The following PIEZO2 variants were observed in gnomAD, a reference collection of about 807,000 sequenced individuals.
PIEZO2 encodes piezo-type mechanosensitive ion channel component 2.
Under a neutral mutation model 337.3 loss-of-function variants are expected in PIEZO2, and 172 were observed. That is an observed-to-expected ratio of 0.51 (90% CI 0.45 to 0.58). The LOEUF (loss-of-function observed/expected upper bound fraction) is 0.58, where lower values mean the gene tolerates loss of function less well. Ranked by LOEUF, PIEZO2 falls within the 20% of genes least tolerant of loss-of-function variation. PIEZO2 has a pLI of 0.00. For synonymous variants in PIEZO2, 1,251 were observed against 1,228.5 expected, an observed-to-expected ratio of 1.02 and a Z score of -0.38; for missense variants, 3,028 against 3,391.3, an observed-to-expected ratio of 0.89 and a Z score of 2.66.
chr18:10,729,194 T>C (rs2036665850), intron 36 of PIEZO2, among the ~76,000 whole-genome samples: 1 of 152,184 alleles, frequency 6.6e-6, no homozygotes, highest in Non-Finnish European at 1.5e-5. Context: ...ATAAAGTTAC[T>C]AGGATGTATC....
At position 10,854,829 on chromosome 18, in the gene PIEZO2, T is replaced by G. The variant is rs1436526983; in HGVS notation, c.917+524A>C. On this transcript the variant is annotated intron_variant, in intron 7 of 55. Coordinates refer to ENST00000674853, the MANE Select transcript of PIEZO2 (RefSeq NM_001378183.1). This position sits in a 1 kb window ranked among gnomAD's most constrained non-coding sequence, Gnocchi z 4.6. Reference sequence around the variant, plus strand: ...CCCAGGCTCAGGTGACGCTCCCACTTCAGCCTCCTGAGTAGCTGGGACCAC... The same window carrying G: ...CCCAGGCTCAGGTGACGCTCCCACTGCAGCCTCCTGAGTAGCTGGGACCAC... 6.6e-6 allele frequency among the ~76,000 whole-genome samples: 1 copy of G among 152,214 alleles called. No homozygotes were observed. The highest frequency in any genetic ancestry group is 1.5e-5 in the Non-Finnish European group (1 of 68,040).
rs1050502778 is a variant in PIEZO2 at position 10,783,782 on chromosome 18, G to T, written c.2492+1002C>A. On this transcript the variant is annotated intron_variant, in intron 17 of 55. Transcript: ENST00000674853. The surrounding 1 kb of genome is among the most constrained non-coding windows in gnomAD (Gnocchi z 4.3). ...CACAATAAGAAAAGTGAATCTGCTG[G>T]TCATAAACAAGGATTATAAAATGTT... Among the ~76,000 whole-genome samples, 4 of 152,150 alleles carry T rather than the reference G, an allele frequency of 2.6e-5. No homozygotes were observed. Among genetic ancestry groups the T allele is most frequent in the African/African-American group, 9.7e-5 (4 of 41,442 alleles).
Position 11,092,406 on chromosome 18 carries a change from G to A in PIEZO2, c.65-26184C>T, listed in dbSNP as rs1042629864. 6.6e-6 allele frequency among the ~76,000 whole-genome samples: 1 copy of A among 152,118 alleles called. No individual in the cohort carries two copies. Among genetic ancestry groups the A allele is most frequent in the Non-Finnish European group, 1.5e-5 (1 of 68,030 alleles). On this transcript the variant is annotated intron_variant, in intron 1 of 55. Transcript: ENST00000674853. The surrounding 1 kb of genome is among the most constrained non-coding windows in gnomAD (Gnocchi z 4.5). Reference sequence around the variant, plus strand: ...TCAATTTTATTAAGATATGTGAAATGATATCTCATATTTGTTTGAAAAAAG... The same window carrying A: ...TCAATTTTATTAAGATATGTGAAATAATATCTCATATTTGTTTGAAAAAAG...
At chr18:11,121,432 G>C (rs1003242767) in intron 1 of PIEZO2, among the ~76,000 whole-genome samples, 1 of 152,116 alleles carries the variant, frequency 6.6e-6, no homozygotes, top group African/African-American at 2.4e-5. Context: ...TGGATGTGGT[G>C]GTGCCCAACT....
intron 2 of PIEZO2, among the ~76,000 whole-genome samples, chr18:11,063,448 G>A (rs1337658281): frequency 6.6e-6 from 1 of 151,606 alleles, no homozygotes; most frequent in Non-Finnish European, 1.5e-5. Context: ...AAAAAAGACT[G>A]CCCCAAGAAT....
intron 33 of PIEZO2, among the ~76,000 whole-genome samples, chr18:10,737,112 G>A (rs141343283): frequency 3.4e-4 from 51 of 152,112 alleles, no homozygotes; most frequent in African/African-American, 1.2e-3. Flanking sequence ...CAAGGCCAAA[G>A]TGAGGTGGAG....
intron 3 of PIEZO2, among the ~76,000 whole-genome samples, chr18:10,970,768 T>A (rs2034206061): frequency 6.6e-6 from 1 of 151,688 alleles, no homozygotes; most frequent in African/African-American, 2.4e-5. Context: ...TTAGAGTACT[T>A]GATCCATGCC....
rs987138733 is a variant in PIEZO2, at chr18:11,097,341, T to A, written c.65-31119A>T. Reference sequence around the variant, plus strand: ...CTTCTAAGTATTTTCTATGGCTGTTTCTGCAGTTCAATGGCAAAGTCTCAC... The same window carrying A: ...CTTCTAAGTATTTTCTATGGCTGTTACTGCAGTTCAATGGCAAAGTCTCAC... On this transcript the variant is annotated intron_variant, in intron 1 of 55. Coordinates refer to ENST00000674853, the MANE Select transcript of PIEZO2 (RefSeq NM_001378183.1). This position sits in a 1 kb window ranked among gnomAD's most constrained non-coding sequence, Gnocchi z 5.0. Among the ~76,000 whole-genome samples the A allele has an allele frequency of 6.6e-6, 1 of 152,256 alleles. No individual in the cohort carries two copies. The highest frequency in any genetic ancestry group is 2.4e-5 in the African/African-American group (1 of 41,468).
At chr18:10,885,109 C>G (rs191440803) in intron 4 of PIEZO2, among the ~76,000 whole-genome samples, 1 of 152,036 alleles carries the variant, frequency 6.6e-6, no homozygotes, top group Non-Finnish European at 1.5e-5. Flanking sequence ...CAACACCACA[C>G]GTGTGTGGCA....
chr18:11,139,304 T>G (rs1215667004), intron 1 of PIEZO2, among the ~76,000 whole-genome samples: 3 of 152,172 alleles, frequency 2.0e-5, no homozygotes, highest in Non-Finnish European at 2.9e-5. Context: ...GGGCTCTTAG[T>G]CAAGATAGTA....
chr18:10,802,578 C>T (rs71364239), intron 9 of PIEZO2, among the ~76,000 whole-genome samples: 4,720 of 152,232 alleles, frequency 0.031, 99 homozygotes, highest in Non-Finnish European at 0.047. Context: ...ACCGGATTTT[C>T]ACATCTGCTT....
intron 17 of PIEZO2, among the ~76,000 whole-genome samples, chr18:10,782,535 ATT>A (rs2039065778): frequency 7.3e-6 from 1 of 136,188 alleles, no homozygotes; most frequent in Non-Finnish European, 1.5e-5. Flanking sequence ...TATAATATAT[ATT>A]ATAAAATTTT....
At chr18:11,068,849 A>T (rs1476807526) in intron 1 of PIEZO2, among the ~76,000 whole-genome samples, 2 of 152,148 alleles carry the variant, frequency 1.3e-5, no homozygotes, top group Non-Finnish European at 2.9e-5. Flanking sequence ...ATTACCACTG[A>T]TTTCACATGA....
At chr18:10,703,766 A>G (rs186658612) in intron 42 of PIEZO2, among the ~76,000 whole-genome samples, 15 of 152,280 alleles carry the variant, frequency 9.9e-5, no homozygotes, top group Admixed American at 6.5e-4. Flanking sequence ...GCAGGAACAT[A>G]AGAGTGAGCA....
intron 2 of PIEZO2, among the ~76,000 whole-genome samples, chr18:11,013,365 C>G (rs141248335): frequency 4.9e-4 from 74 of 152,290 alleles, no homozygotes; most frequent in Non-Finnish European, 7.8e-4. Context: ...GGGCAGCCTG[C>G]AGAAAGAAGT....
At chr18:10,905,444 G>A (rs1179366066) in intron 4 of PIEZO2, among the ~76,000 whole-genome samples, 1 of 152,114 alleles carries the variant, frequency 6.6e-6, no homozygotes, top group African/African-American at 2.4e-5. Flanking sequence ...TTAGCCGGGT[G>A]TGGTGGCACA....
Position 10,794,696 on chromosome 18 carries a change from T to A in PIEZO2, c.1758+76A>T, listed in dbSNP as rs1388579529. On this transcript the variant is annotated intron_variant, in intron 13 of 55. Transcript: ENST00000674853. This position sits in a 1 kb window ranked among gnomAD's most constrained non-coding sequence, Gnocchi z 6.6. ...ATATTTGGAACCTGTTTTTATAAGGTTTCTCTTGGATACGATTATGATGAT... is the reference window on the plus strand; with the variant it reads ...ATATTTGGAACCTGTTTTTATAAGGATTCTCTTGGATACGATTATGATGAT... 15 of 1,139,332 alleles carry A rather than the reference T, an allele frequency of 1.3e-5. No homozygotes were observed. The African/African-American group carries it at 2.2e-4, about 17-fold the overall frequency. The allele number at this position is 1,139,332 out of a possible 1,614,324, so 70.6% of individuals were successfully genotyped here. A position where few individuals can be genotyped will look rare whatever the true frequency, so the allele number is the denominator to read the frequency against.
chr18:10,866,446 T>C (rs1298825738), intron 5 of PIEZO2, among the ~76,000 whole-genome samples: 3 of 152,076 alleles, frequency 2.0e-5, no homozygotes, highest in Non-Finnish European at 4.4e-5. Flanking sequence ...CCACCACACC[T>C]GGCTAATTTT....
In PIEZO2 at chr18:10,955,510, T is replaced by C. The variant is rs79569267; in HGVS notation, c.286+24025A>G. Among the ~76,000 whole-genome samples, 373 of 152,322 alleles carry C rather than the reference T, an allele frequency of 2.4e-3. 5 individuals are homozygous for C. Among genetic ancestry groups the C allele is most frequent in the African/African-American group, 8.9e-3 (368 of 41,580 alleles). ...AATCTGCTTATTATAACATTTCAGT[T>C]CTGTGTAAACAACTTTAGAGAGTGC... On this transcript the variant is annotated intron_variant, in intron 3 of 55. Transcript: ENST00000674853.
Sources: allele counts gnomAD v4.1 joint callset (sites outside exome capture counted in the v4.1 genomes callset), GRCh38; gene constraint gnomAD v4.1.1; non-coding constraint Gnocchi (gnomAD v3.1); transcripts MANE v1.5; gene names NCBI Gene and HGNC (gene_info 2026-07-23, HGNC 2026-07-21).